The following CCDC158 variants were observed in gnomAD, a reference collection of about 807,000 sequenced individuals.
CCDC158 encodes the protein coiled-coil domain-containing protein 158.
CCDC158 carries 116 observed loss-of-function variants against 138.6 expected under a neutral mutation model. That is an observed-to-expected ratio of 0.84 (90% CI 0.72 to 0.98). CCDC158 has a LOEUF of 0.98. Ranked by LOEUF, CCDC158 falls within the 50% of genes least tolerant of loss-of-function variation. The pLI, the probability that CCDC158 is intolerant of heterozygous loss-of-function variation, is 0.00. For synonymous variants in CCDC158, 436 were observed against 442.4 expected, an observed-to-expected ratio of 0.99 and a Z score of 0.18; for missense variants, 1,265 against 1,306.1, an observed-to-expected ratio of 0.97 and a Z score of 0.48.
rs1455841819 is a variant in CCDC158, at chr4:76,321,591, A to G, written c.3277+1711T>C. Among the ~76,000 whole-genome samples, 5 of 146,408 alleles carry G rather than the reference A, an allele frequency of 3.4e-5. No homozygotes were observed. In the East Asian group the frequency reaches 9.8e-4, roughly 29 times the overall value. On this transcript the variant is annotated intron_variant, in intron 24 of 24. Coordinates refer to ENST00000682701, the MANE Select transcript of CCDC158 (RefSeq NM_001394954.1). ...AGACTATTACATGGTGTGTATATAT[A>G]TATAATATAATATATTATATATATA...
At chr4:76,406,365 C>T (rs1265374658) in intron 2 of CCDC158, among the ~76,000 whole-genome samples, 2 of 152,064 alleles carry the variant, frequency 1.3e-5, no homozygotes, top group African/African-American at 2.4e-5. Flanking sequence ...ACTGCAAACG[C>T]AGTAATAATG....
intron 17 of CCDC158, among the ~76,000 whole-genome samples, 193 bp from the exon 18 acceptor site, chr4:76,351,314 C>T (rs113856518): frequency 9.7e-5 from 14 of 144,424 alleles, no homozygotes; most frequent in African/African-American, 2.0e-4. Context: ...AAAAAAAAAA[C>T]GTTTTGTCAT....
At position 76,351,129 on chromosome 4, in the gene CCDC158, A is replaced by G. The variant is rs754956406; in HGVS notation, c.2539-8T>C. 1.9e-5 allele frequency: 30 copies of G among 1,611,042 alleles called. No individual in the cohort carries two copies. In the South Asian group the frequency reaches 3.0e-4, roughly 16 times the overall value. ...TCCAGGGCCCTGAAGTTCCTGGAAA[A>G]CAATATAGAGGTAAGCAAAATAACT... On this transcript the variant is annotated splice_region_variant and splice_polypyrimidine_tract_variant and intron_variant, in intron 17 of 24. Coordinates refer to ENST00000682701, the MANE Select transcript of CCDC158 (RefSeq NM_001394954.1).
At chr4:76,314,894 T>G (rs542507055) in intron 24 of CCDC158, among the ~76,000 whole-genome samples, 1 of 151,994 alleles carries the variant, frequency 6.6e-6, no homozygotes, top group East Asian at 1.9e-4. Context: ...ATCTGGGTGG[T>G]GAATGGGAAA....
chr4:76,358,019 TTATATGTATC>T, intron 13 of CCDC158, among the ~76,000 whole-genome samples: 1 of 151,976 alleles, frequency 6.6e-6, no homozygotes, highest in South Asian at 2.1e-4. Context: ...ACATATTTAT[TTATATGTATC>T]TATTTATATG....
intron 9 of CCDC158, among the ~76,000 whole-genome samples, chr4:76,377,067 T>C (rs1423838827): frequency 6.6e-6 from 1 of 152,244 alleles, no homozygotes; most frequent in African/African-American, 2.4e-5. Context: ...TAAATGCTTA[T>C]AAAAACTTAG....
chr4:76,413,453 C>T (rs1204753093), intron 1 of CCDC158, among the ~76,000 whole-genome samples: 1 of 120,422 alleles, frequency 8.3e-6, no homozygotes, highest in Non-Finnish European at 1.7e-5. Flanking sequence ...CCAGCTTGGG[C>T]AACAGAGTGA....
chr4:76,405,851 C>A (rs1728777509), intron 2 of CCDC158, among the ~76,000 whole-genome samples: 1 of 151,978 alleles, frequency 6.6e-6, no homozygotes, highest in African/African-American at 2.4e-5. Context: ...AAAATACAAA[C>A]CTTCTTAAAT....
At chr4:76,339,274 TG>T (rs1247434614) in intron 18 of CCDC158, among the ~76,000 whole-genome samples, 1 of 151,880 alleles carries the variant, frequency 6.6e-6, no homozygotes, top group Non-Finnish European at 1.5e-5. Context: ...ATTGAGAAAG[TG>T]AAGAAGCCCC....
At chr4:76,332,752 A>G (rs564310509) in intron 19 of CCDC158, among the ~76,000 whole-genome samples, 2 of 152,278 alleles carry the variant, frequency 1.3e-5, no homozygotes, top group Admixed American at 1.3e-4. Flanking sequence ...AATTAACATA[A>G]ACTCTCTAAA....
At chr4:76,355,243 T>G (rs901787329) in intron 15 of CCDC158, 81 bp downstream of exon 15, 7 of 882,806 alleles carry the variant, frequency 7.9e-6, no homozygotes, top group African/African-American at 3.3e-5. Flanking sequence ...TGCACTTGCA[T>G]CTCTGCTTCA....
At chr4:76,323,924 G>A (rs575614213) in intron 23 of CCDC158, among the ~76,000 whole-genome samples, 1 of 152,276 alleles carries the variant, frequency 6.6e-6, no homozygotes, top group African/African-American at 2.4e-5. Flanking sequence ...ACTGAACCTA[G>A]AACAAATGTG....
At chr4:76,415,173 A>G (rs180768148) in intron 1 of CCDC158, among the ~76,000 whole-genome samples, 103 of 152,334 alleles carry the variant, frequency 6.8e-4, no homozygotes, top group Non-Finnish European at 6.9e-4. Flanking sequence ...AACTCTTGCT[A>G]TGCTTTAGCA....
chr4:76,325,819 A>G (rs2110085979), intron 23 of CCDC158, 38 bp downstream of exon 23: 1 of 1,571,418 alleles, frequency 6.4e-7, no homozygotes, highest in Non-Finnish European at 8.7e-7. Flanking sequence ...AGTGTAGGAA[A>G]TCAATTAATC....
chr4:76,323,348 T>C lies in CCDC158; in HGVS notation c.3231A>G (p.Leu1077=). 1 of 1,613,382 alleles carries C rather than the reference T, an allele frequency of 6.2e-7. No homozygotes were observed. The highest frequency in any genetic ancestry group is 1.7e-5 in the Admixed American group (1 of 59,928). ...GKTCRKLQNR[L]ESLQTLVEDL... ...CTTCTACCAGAGTTTGCAAGCTTTC[T>C]AGTCTGTTCTGAAGCTTCCTGCATG... The change falls in exon 24 of 25, where the codon CTA becomes CTG. Residue 1077 remains leucine (L), a synonymous_variant. Transcript: ENST00000682701.
chr4:76,400,002 A>G (rs188404534), intron 3 of CCDC158, among the ~76,000 whole-genome samples: 57 of 152,286 alleles, frequency 3.7e-4, no homozygotes, highest in African/African-American at 1.3e-3. Flanking sequence ...GAGAAAAGAG[A>G]GGACCAGCAT....
chr4:76,353,197 C>T lies in CCDC158; in HGVS notation c.2371G>A (p.Glu791Lys), dbSNP rs537898827. ...VATEKNKMAG[E>K]LEVLRSQERR... ...TCCTGAGATCGCAGAACTTCCAACT[C>T]CCCAGCCATCTTGTTTTTTTCTGTG... Residue 791 changes from glutamate (E) to lysine (K), a missense_variant, in exon 16 of 25, where the codon GAG (glutamate) becomes AAG (lysine). Physicochemically the swap from Glu to Lys is moderately conservative, Grantham distance 56. Transcript: ENST00000682701. The T allele has an allele frequency of 2.9e-5, 46 of 1,613,766 alleles. No individual in the cohort carries two copies. The highest frequency in any genetic ancestry group is 3.3e-4 in the Middle Eastern group (2 of 6,062).
chr4:76,418,176 G>GTA (rs1729847095), intron 1 of CCDC158, among the ~76,000 whole-genome samples: 2 of 152,114 alleles, frequency 1.3e-5, no homozygotes, highest in Admixed American at 1.3e-4. Context: ...GAGAAGCTGG[G>GTA]GCTAGCTATA....
Position 76,369,569 on chromosome 4 carries a change from G to C in CCDC158, c.1204C>G (p.Arg402Gly), listed in dbSNP as rs760759641. The change falls in exon 11 of 25, where the codon CGT (arginine) becomes GGT (glycine). Residue 402 changes from arginine to glycine, a missense_variant. By Grantham distance (125) the Arg-to-Gly change is moderately radical. Transcript: ENST00000682701. ...TTGCCTGTGTCTCGGTCCCACAGAC[G>C]CTTATTCTGCTCCTTCTCCAGACTC... is the stretch of plus-strand genomic sequence containing the variant. ...ELSLEKEQNK[R>G]LWDRDTGNSI... is the part of the protein sequence containing the mutation. 3.1e-6 allele frequency: 5 copies of C among 1,614,098 alleles called. No individual in the cohort carries two copies. In the South Asian group the frequency reaches 5.5e-5, roughly 18 times the overall value.
Sources: gnomAD v4.1 joint callset for allele counts (sites outside exome capture counted in the v4.1 genomes callset) on GRCh38, gnomAD v4.1.1 for gene constraint, MANE v1.5 for transcripts, NCBI Gene and HGNC (gene_info 2026-07-23, HGNC 2026-07-21) for gene names.